The following CEP295 variants were observed in gnomAD, a reference collection of about 807,000 sequenced individuals.
The protein encoded by CEP295 is centrosomal protein of 295 kDa.
Under a neutral mutation model 291.6 loss-of-function variants are expected in CEP295, and 190 were observed. The ratio of observed to expected loss-of-function variants is 0.65; its 90% CI spans 0.58 to 0.73. The LOEUF (loss-of-function observed/expected upper bound fraction) is 0.73, where lower values mean the gene tolerates loss of function less well. Ranked by LOEUF, CEP295 falls within the 30% of genes least tolerant of loss-of-function variation. The pLI is 0.00. For synonymous variants in CEP295, 993 were observed against 1,038.8 expected, an observed-to-expected ratio of 0.96 and a Z score of 0.85; for missense variants, 2,863 against 2,949.4, an observed-to-expected ratio of 0.97 and a Z score of 0.68.
At position 93,702,591 on chromosome 11, in the gene CEP295, T is replaced by G; in HGVS notation, c.5406T>G (p.Ser1802=). ...TTAGGCATGCAGATAGGAACAACTC[T>G]GATGATAATCATTTGGCTTCAGAAG... ...ENIRHADRNN[S]DDNHLASEDT... Residue 1802 remains serine, a synonymous_variant, in exon 16 of 30, where the codon TCT becomes TCG. Coordinates refer to ENST00000325212, the MANE Select transcript of CEP295 (RefSeq NM_033395.2). 6.5e-7 allele frequency: 1 copy of G among 1,550,368 alleles called. No homozygotes were observed. The highest frequency in any genetic ancestry group is 8.7e-7 in the Non-Finnish European group (1 of 1,146,598).
chr11:93,676,722 A>G (rs1950711620), intron 6 of CEP295, among the ~76,000 whole-genome samples: 2 of 152,014 alleles, frequency 1.3e-5, no homozygotes, highest in Non-Finnish European at 2.9e-5. Flanking sequence ...ATTTGAAAAG[A>G]TGCTACCTTT....
rs1954183898 is a variant in CEP295, at chr11:93,726,872, T to TA, written c.6500-104_6500-103insA. On this transcript the variant is annotated intron_variant, in intron 23 of 29. Coordinates refer to ENST00000325212, the MANE Select transcript of CEP295 (RefSeq NM_033395.2). ...TACACATCAACTTTTATGCCTAAAA[T>TA]TGTAGGTTACTTGCAATTGGATGAT... The TA allele has an allele frequency of 1.7e-5, 15 of 861,198 alleles. No individual in the cohort carries two copies. In the South Asian group the frequency reaches 2.6e-4, roughly 15 times the overall value. The allele number at this position is 861,198 out of a possible 1,614,324, so 53.3% of individuals were successfully genotyped here. A position where few individuals can be genotyped will look rare whatever the true frequency, so the allele number is the denominator to read the frequency against.
At chr11:93,724,088 A>G in intron 21 of CEP295, 166 bp from the exon 22 acceptor site, 2 of 598,476 alleles carry the variant, frequency 3.3e-6, no homozygotes, top group South Asian at 4.5e-5. Context: ...ACTTTAAAGC[A>G]TCTGCTGATC....
At chr11:93,676,795 G>T (rs983223986) in intron 6 of CEP295, among the ~76,000 whole-genome samples, 1 of 151,848 alleles carries the variant, frequency 6.6e-6, no homozygotes. Context: ...GCTGCTGATG[G>T]TATTAAATTA....
intron 9 of CEP295, among the ~76,000 whole-genome samples, chr11:93,686,996 C>T (rs1365623776): frequency 6.6e-6 from 1 of 152,116 alleles, no homozygotes; most frequent in Non-Finnish European, 1.5e-5. Context: ...CACTTTTGTC[C>T]TCTTAGAGAA....
Position 93,683,762 on chromosome 11 carries a change from G to T in CEP295, c.949+20G>T. 1 of 1,516,032 alleles carries T rather than the reference G, an allele frequency of 6.6e-7. No individual in the cohort carries two copies. The highest frequency in any genetic ancestry group is 8.8e-7 in the Non-Finnish European group (1 of 1,134,414). 93.9% of individuals were successfully genotyped at this position (1,516,032 alleles called of 1,614,324 possible). On this transcript the variant is annotated intron_variant, in intron 8 of 29. Coordinates refer to ENST00000325212, the MANE Select transcript of CEP295 (RefSeq NM_033395.2). ...ACAGGAGTAAGATATTTTCAGTAGGGCTTTCAATAGTGATTTTATACGTTT... is the reference window on the plus strand; with the variant it reads ...ACAGGAGTAAGATATTTTCAGTAGGTCTTTCAATAGTGATTTTATACGTTT...
chr11:93,675,936 G>A (rs889531614), intron 6 of CEP295, among the ~76,000 whole-genome samples: 1 of 151,948 alleles, frequency 6.6e-6, no homozygotes, highest in African/African-American at 2.4e-5. Context: ...CATGCTATTT[G>A]TGGAAAATTT....
intron 9 of CEP295, among the ~76,000 whole-genome samples, chr11:93,685,937 C>T (rs1951213017): frequency 2.0e-5 from 3 of 152,058 alleles, no homozygotes. Flanking sequence ...TCTCGAACTC[C>T]TGACCTTGTG....
At chr11:93,690,227 C>T (rs910108434) in intron 10 of CEP295, among the ~76,000 whole-genome samples, 8 of 151,216 alleles carry the variant, frequency 5.3e-5, no homozygotes, top group African/African-American at 1.2e-4. Flanking sequence ...CTGGCTAACA[C>T]GGTGAAACCC....
rs774460049 is a variant in CEP295 at position 93,730,281 on chromosome 11, T to G, written c.*12T>G. On this transcript the variant is annotated 3_prime_UTR_variant, in exon 30 of 30. Coordinates refer to ENST00000325212, the MANE Select transcript of CEP295 (RefSeq NM_033395.2). ...AAAATACATGCTGACTTTCTAGAAA[T>G]AGTGTAAAGGTTTTTTAATTGTGTA... 16 of 1,527,642 alleles carry G rather than the reference T, an allele frequency of 1.0e-5. No homozygotes were observed. Among genetic ancestry groups the G allele is most frequent in the Non-Finnish European group, 1.3e-5 (15 of 1,126,286 alleles). The allele number at this position is 1,527,642 out of a possible 1,614,324, so 94.6% of individuals were successfully genotyped here.
Position 93,699,532 on chromosome 11 carries a change from G to C in CEP295, c.4620G>C (p.Arg1540Ser), listed in dbSNP as rs1329738590. The C allele has an allele frequency of 6.4e-7, 1 of 1,551,790 alleles. No individual in the cohort carries two copies. Among genetic ancestry groups the C allele is most frequent in the Admixed American group, 2.0e-5 (1 of 50,998 alleles). The change falls in exon 15 of 30, where the codon AGG (arginine) becomes AGC (serine). Residue 1540 changes from arginine (R) to serine (S), a missense_variant. Arg to Ser is a moderately radical substitution (Grantham distance 110, BLOSUM62 -1). Coordinates refer to ENST00000325212, the MANE Select transcript of CEP295 (RefSeq NM_033395.2). ...LLQRLSELEK[R>S]VSSEQVCSSS... ...AAAGATTAAGTGAATTGGAGAAAAG[G>C]GTATCATCTGAACAAGTTTGCTCCT...
intron 9 of CEP295, among the ~76,000 whole-genome samples, chr11:93,686,173 G>A (rs1403704102): frequency 6.6e-6 from 1 of 151,998 alleles, no homozygotes; most frequent in African/African-American, 2.4e-5. Context: ...ACAAAAATTA[G>A]CCGGGTGTAG....
rs1565230802 is a variant in CEP295, at chr11:93,729,666, A to T, written c.7452A>T (p.Ile2484=). 6.4e-7 allele frequency: 1 copy of T among 1,551,010 alleles called. No individual in the cohort carries two copies. ...CAGGGAGCTTACAAGAAGCATTTATAAAGAGGAAAAAATCATTTATGGAGA... is the reference window on the plus strand; with the variant it reads ...CAGGGAGCTTACAAGAAGCATTTATTAAGAGGAAAAAATCATTTATGGAGA... ...PVPGSLQEAF[I]KRKKSFMERS... Residue 2484 remains isoleucine (I), a synonymous_variant, in exon 27 of 30, where the codon ATA becomes ATT. Transcript: ENST00000325212.
chr11:93,722,286 C>T (rs1953792648), intron 20 of CEP295, among the ~76,000 whole-genome samples: 1 of 151,862 alleles, frequency 6.6e-6, no homozygotes, highest in African/African-American at 2.4e-5. Flanking sequence ...CGTGGTAGAA[C>T]CCTATCTCTA....
Position 93,699,480 on chromosome 11 carries a change from A to G in CEP295, c.4568A>G (p.Gln1523Arg), listed in dbSNP as rs1591067425. The change falls in exon 15 of 30, where the codon CAG becomes CGG. Residue 1523 changes from glutamine to arginine, a missense_variant. Transcript: ENST00000325212. ...CAGAAGAAAGCCATTCGATCTATACAGGAAGTCCAAGAAGAATTGCTTTTG... is the reference window on the plus strand; with the variant it reads ...CAGAAGAAAGCCATTCGATCTATACGGGAAGTCCAAGAAGAATTGCTTTTG... ...DTQKKAIRSIQEVQEELLLQR... is the reference protein window; with the variant it reads ...DTQKKAIRSIREVQEELLLQR... 1 of 1,551,648 alleles carries G rather than the reference A, an allele frequency of 6.4e-7. No individual in the cohort carries two copies. Among genetic ancestry groups the G allele is most frequent in the African/African-American group, 1.4e-5 (1 of 73,058 alleles).
intron 18 of CEP295, among the ~76,000 whole-genome samples, chr11:93,709,426 G>A (rs1952746148): frequency 6.6e-6 from 1 of 152,064 alleles, no homozygotes. Flanking sequence ...GTACGTTCTT[G>A]GCACCTTTCT....
rs1954181700 is a variant in CEP295, at chr11:93,726,843, T to TTTA, written c.6500-131_6500-129dup. ...GACCATCCTTATCTTTGTATTCATG[T>TTTA]TTATACACATCAACTTTTATGCCTA... On this transcript the variant is annotated intron_variant, in intron 23 of 29. Coordinates refer to ENST00000325212, the MANE Select transcript of CEP295 (RefSeq NM_033395.2). 7.7e-6 allele frequency: 5 copies of TTTA among 647,886 alleles called. No homozygotes were observed. In the South Asian group the frequency reaches 1.1e-4, roughly 15 times the overall value. 40.1% of individuals were successfully genotyped at this position (647,886 alleles called of 1,614,324 possible).
At position 93,706,741 on chromosome 11, in the gene CEP295, C is replaced by G; in HGVS notation, c.5597-4C>G. ...TTGAAGTGGAAATATTTTTTCCCCC[C>G]CAGGTAAACCAGGTATTTATGAAGA... On this transcript the variant is annotated splice_region_variant and splice_polypyrimidine_tract_variant and intron_variant, in intron 17 of 29. Transcript: ENST00000325212. 2 of 1,510,710 alleles carry G rather than the reference C, an allele frequency of 1.3e-6. No homozygotes were observed. The highest frequency in any genetic ancestry group is 1.7e-4 in the Middle Eastern group (1 of 5,786). 93.6% of individuals were successfully genotyped at this position (1,510,710 alleles called of 1,614,324 possible). A position where few individuals can be genotyped will look rare whatever the true frequency, so the allele number is the denominator to read the frequency against.
intron 19 of CEP295, 58 bp downstream of exon 19, chr11:93,721,470 T>C (rs1953706617): frequency 1.9e-6 from 2 of 1,053,004 alleles, no homozygotes; most frequent in Admixed American, 1.7e-5. Flanking sequence ...CGTATTCTCT[T>C]TTGTTTAGTT....
Sources: gnomAD v4.1 joint callset for allele counts (sites outside exome capture counted in the v4.1 genomes callset) on GRCh38, gnomAD v4.1.1 for gene constraint, MANE v1.5 for transcripts, NCBI Gene and HGNC (gene_info 2026-07-23, HGNC 2026-07-21) for gene names.